Variants in KRT80 observed in about 807,000 individuals in gnomAD.
KRT80 encodes the protein keratin 80, also known as keratin, type II cytoskeletal 80.
Under a neutral mutation model 51.5 loss-of-function variants are expected in KRT80, and 36 were observed. The observed-to-expected ratio is 0.70, with a 90% CI of 0.54 to 0.92. KRT80 has a LOEUF of 0.92. Ranked by LOEUF, KRT80 falls within the 40% of genes least tolerant of loss-of-function variation. The probability of loss-of-function intolerance (pLI) is 0.00; values close to 1 mark genes in which losing one functional copy is unlikely to be tolerated. For synonymous variants in KRT80, 235 were observed against 248.3 expected (o/e 0.95, Z 0.50); for missense variants, 566 against 591.7 (o/e 0.96, Z 0.45).
Position 52,169,694 on chromosome 12 carries a change from A to G in KRT80, c.*1704T>C, listed in dbSNP as rs1477973655. ...AGGGAAGCAATAAGTTAAAAGCCACATAAGTTATGAAAAAATAATATATAC... is the reference window on the plus strand; with the variant it reads ...AGGGAAGCAATAAGTTAAAAGCCACGTAAGTTATGAAAAAATAATATATAC... On this transcript the variant is annotated 3_prime_UTR_variant, in exon 9 of 9. Coordinates refer to ENST00000394815, the MANE Select transcript of KRT80 (RefSeq NM_182507.3). 6.6e-6 allele frequency: 1 copy of G among 152,576 alleles called. No homozygotes were observed. Among genetic ancestry groups the G allele is most frequent in the African/African-American group, 2.4e-5 (1 of 41,468 alleles). 9.5% of individuals were successfully genotyped at this position (152,576 alleles called of 1,614,324 possible).
chr12:52,174,718 G>A (rs1275625477), intron 4 of KRT80, among the ~76,000 whole-genome samples: 2 of 152,234 alleles, frequency 1.3e-5, no homozygotes, highest in African/African-American at 4.8e-5. Context: ...CTGCTGTGAC[G>A]CTCCCTTAGC....
At chr12:52,171,849 G>A in intron 7 of KRT80, 136 bp from the exon 8 acceptor site, 1 of 668,868 alleles carries the variant, frequency 1.5e-6, no homozygotes. Context: ...TTGCCCTGTT[G>A]TGTGGCCCTG....
intron 5 of KRT80, 98 bp from the exon 6 acceptor site, chr12:52,173,261 C>G (rs1193606177): frequency 5.8e-6 from 8 of 1,383,504 alleles, no homozygotes; most frequent in Non-Finnish European, 5.7e-6. Flanking sequence ...AGTCCCATCT[C>G]CAACTCTGCA....
intron 8 of KRT80, 62 bp from the exon 9 acceptor site, chr12:52,171,584 G>A (rs375779159): frequency 1.2e-6 from 2 of 1,612,442 alleles, no homozygotes; most frequent in African/African-American, 2.7e-5. Context: ...CACTTAAAAT[G>A]ATGCCTTTAG....
At chr12:52,173,829 ACAGT>A (rs1311287594) in intron 4 of KRT80, 65 bp from the exon 5 acceptor site, 10 of 1,516,378 alleles carry the variant, frequency 6.6e-6, no homozygotes, top group Non-Finnish European at 9.0e-6. Context: ...TCAGCCCCAC[ACAGT>A]CACTTTGTCC....
intron 6 of KRT80, among the ~76,000 whole-genome samples, chr12:52,172,765 A>G (rs944409375): frequency 3.9e-5 from 6 of 151,906 alleles, no homozygotes; most frequent in African/African-American, 1.5e-4. Context: ...CCCAGGAGGG[A>G]GGCAGTGGGC....
In KRT80 at chr12:52,180,679, GC is replaced by G. The variant is rs1411116346; in HGVS notation, c.571-72del. 19 of 1,578,870 alleles carry G rather than the reference GC, an allele frequency of 1.2e-5. No individual in the cohort carries two copies. In the Admixed American group the frequency reaches 3.4e-4, roughly 28 times the overall value. ...TCCCAGGGCAGGAGTGGGCTGGGGG[GC>G]TGCCTCCTGGGTGAGAGTGGGGGTG... On this transcript the variant is annotated intron_variant, in intron 3 of 8. Coordinates refer to ENST00000394815, the MANE Select transcript of KRT80 (RefSeq NM_182507.3).
At position 52,191,769 on chromosome 12, in the gene KRT80, C is replaced by T; in HGVS notation, c.134G>A (p.Ser45Asn). ...RAPGPGFSSR[S>N]LTGCWSAGTI... ...GCCAGCCGACCAGCAGCCTGTGAGGCTGCGGGAGCTGAAGCCCGGCCCGGG... is the reference window on the plus strand; with the variant it reads ...GCCAGCCGACCAGCAGCCTGTGAGGTTGCGGGAGCTGAAGCCCGGCCCGGG... Residue 45 changes from serine to asparagine, a missense_variant, in exon 1 of 9, where the codon AGC becomes AAC. By Grantham distance (46) the Ser-to-Asn change is conservative. Coordinates refer to ENST00000394815, the MANE Select transcript of KRT80 (RefSeq NM_182507.3). The T allele has an allele frequency of 6.2e-7, 1 of 1,612,582 alleles. No individual in the cohort carries two copies. Among genetic ancestry groups the T allele is most frequent in the Non-Finnish European group, 8.5e-7 (1 of 1,179,512 alleles).
intron 4 of KRT80, 148 bp downstream of exon 4, chr12:52,180,365 G>T: frequency 1.9e-6 from 1 of 512,990 alleles, no homozygotes; most frequent in South Asian, 5.8e-5. Context: ...ACAGGAAGGG[G>T]TTTAGGAAAT....
intron 4 of KRT80, among the ~76,000 whole-genome samples, chr12:52,174,224 C>T (rs1941177975): frequency 6.6e-6 from 1 of 152,188 alleles, no homozygotes; most frequent in African/African-American, 2.4e-5. Flanking sequence ...CCTTGTGGGC[C>T]TGGCAGAGCT....
At chr12:52,189,874 T>A (rs919646079) in intron 1 of KRT80, among the ~76,000 whole-genome samples, 15 of 152,260 alleles carry the variant, frequency 9.9e-5, no homozygotes, top group Non-Finnish European at 2.1e-4. Context: ...CCTGTGCTTA[T>A]ATCCTCCCAT....
At position 52,170,856 on chromosome 12, in the gene KRT80, A is replaced by T. The variant is rs1299345810; in HGVS notation, c.*542T>A. ...TACTGTCAGGTCTCTGGGGAGCCCA[A>T]AGAGCACGGGAAAGCCAAGAGGGTC... is the stretch of plus-strand genomic sequence containing the variant. On this transcript the variant is annotated 3_prime_UTR_variant, in exon 9 of 9. Coordinates refer to ENST00000394815, the MANE Select transcript of KRT80 (RefSeq NM_182507.3). 6.4e-6 allele frequency: 1 copy of T among 155,194 alleles called. No homozygotes were observed. The highest frequency in any genetic ancestry group is 1.4e-5 in the Non-Finnish European group (1 of 69,884). 9.6% of individuals were successfully genotyped at this position (155,194 alleles called of 1,614,324 possible).
At position 52,173,022 on chromosome 12, in the gene KRT80, T is replaced by A; in HGVS notation, c.957+16A>T. 6.3e-7 allele frequency: 1 copy of A among 1,595,938 alleles called. No homozygotes were observed. ...GCTCTCCTCCCCGCCCCCAGGCGCG[T>A]CCCCCAGATACTCACATGGCTCTTG... On this transcript the variant is annotated intron_variant, in intron 6 of 8. Coordinates refer to ENST00000394815, the MANE Select transcript of KRT80 (RefSeq NM_182507.3).
In KRT80 at chr12:52,170,715, A is replaced by G. The variant is rs1011562257; in HGVS notation, c.*683T>C. The stretch of plus-strand genomic sequence containing the variant: ...GGGGGCAGCCCATCCAGTTCTGACT[A>G]CTGCCTACTGGGAGGGACCCATGGG... On this transcript the variant is annotated 3_prime_UTR_variant, in exon 9 of 9. Coordinates refer to ENST00000394815, the MANE Select transcript of KRT80 (RefSeq NM_182507.3). The G allele has an allele frequency of 3.3e-5, 5 of 152,634 alleles. No individual in the cohort carries two copies. The highest frequency in any genetic ancestry group is 1.2e-4 in the African/African-American group (5 of 41,454). The allele number at this position is 152,634 out of a possible 1,614,324, so 9.5% of individuals were successfully genotyped here.
At position 52,172,258 on chromosome 12, in the gene KRT80, T is replaced by C. The variant is rs1248141342; in HGVS notation, c.1118A>G (p.Lys373Arg). The C allele has an allele frequency of 2.5e-6, 4 of 1,613,792 alleles. No individual in the cohort carries two copies. Among genetic ancestry groups the C allele is most frequent in the Non-Finnish European group, 8.5e-7 (1 of 1,179,872 alleles). ...GGCGATCTCGATGTCCAGGGCCAGCTTGACGTTCATCAGCTCCTGGTACTT... is the reference window on the plus strand; with the variant it reads ...GGCGATCTCGATGTCCAGGGCCAGCCTGACGTTCATCAGCTCCTGGTACTT... ...LRKYQELMNVKLALDIEIATY... is the reference protein window; with the variant it reads ...LRKYQELMNVRLALDIEIATY... Residue 373 changes from lysine (K) to arginine (R), a missense_variant, in exon 7 of 9, where the codon AAG becomes AGG. By Grantham distance (26) the Lys-to-Arg change is conservative. Coordinates refer to ENST00000394815, the MANE Select transcript of KRT80 (RefSeq NM_182507.3).
intron 7 of KRT80, 120 bp from the exon 8 acceptor site, chr12:52,171,833 C>A: frequency 1.4e-6 from 1 of 721,990 alleles, no homozygotes; most frequent in Non-Finnish European, 2.3e-6. Context: ...ACTCCCAGCC[C>A]TGGGGTTGCC....
chr12:52,177,053 CCA>C (rs1941237763), intron 4 of KRT80, among the ~76,000 whole-genome samples: 1 of 152,188 alleles, frequency 6.6e-6, no homozygotes, highest in Non-Finnish European at 1.5e-5. Context: ...GCTCCAGTTC[CCA>C]CAGTTACTGA....
Position 52,173,023 on chromosome 12 carries a change from C to T in KRT80, c.957+15G>A, listed in dbSNP as rs756309477. On this transcript the variant is annotated intron_variant, in intron 6 of 8. Transcript: ENST00000394815. ...CTCTCCTCCCCGCCCCCAGGCGCGT[C>T]CCCCAGATACTCACATGGCTCTTGA... The T allele has an allele frequency of 1.7e-5, 27 of 1,597,014 alleles. No homozygotes were observed. The highest frequency in any genetic ancestry group is 2.3e-5 in the Non-Finnish European group (27 of 1,168,142).
intron 4 of KRT80, among the ~76,000 whole-genome samples, chr12:52,179,859 A>G (rs1941291931): frequency 6.6e-6 from 1 of 152,154 alleles, no homozygotes; most frequent in South Asian, 2.1e-4. Flanking sequence ...CACCCTTGAA[A>G]CAAGTGGTGT....
Sources: allele counts gnomAD v4.1 joint callset (sites outside exome capture counted in the v4.1 genomes callset), GRCh38; gene constraint gnomAD v4.1.1; transcripts MANE v1.5; gene names NCBI Gene and HGNC (gene_info 2026-07-23, HGNC 2026-07-21).